The following ITGA2 variants were observed in gnomAD, a reference collection of about 807,000 sequenced individuals.
ITGA2 encodes the protein integrin subunit alpha 2.
In ITGA2, 101 loss-of-function variants were observed where a neutral mutation model predicts 146.3. That is an observed-to-expected ratio of 0.69 (90% confidence interval 0.59 to 0.81). The LOEUF (loss-of-function observed/expected upper bound fraction) is 0.81, where lower values mean the gene tolerates loss of function less well. Among genes scored for constraint, ITGA2 ranks in the 40% least tolerant of loss-of-function variants. The probability of loss-of-function intolerance (pLI) is 0.00; values close to 1 mark genes in which losing one functional copy is unlikely to be tolerated. For synonymous variants in ITGA2, 477 were observed against 487.1 expected (o/e 0.98, Z 0.27); for missense variants, 1,281 against 1,402.7 (o/e 0.91, Z 1.39).
intron 1 of ITGA2, among the ~76,000 whole-genome samples, chr5:52,996,070 G>A (rs1741230963): frequency 6.6e-6 from 1 of 152,192 alleles, no homozygotes; most frequent in Admixed American, 6.5e-5. Context: ...AGAGCGGCCA[G>A]AGGAGTAATG....
intron 16 of ITGA2, 125 bp downstream of exon 16, chr5:53,067,382 C>T: frequency 1.0e-6 from 1 of 996,756 alleles, no homozygotes; most frequent in Non-Finnish European, 1.5e-6. Flanking sequence ...ACTTAAGTTT[C>T]CTTACACTGG....
In ITGA2 at chr5:53,077,501, G is replaced by T. The variant is rs529794347; in HGVS notation, c.2826-1271G>T. ...CAACACTTAAGTAACAAATGGAAAA[G>T]TGTCAGATCTCTTTAAAATGCAAAT... On this transcript the variant is annotated intron_variant, in intron 23 of 29. Coordinates refer to ENST00000296585, the MANE Select transcript of ITGA2 (RefSeq NM_002203.4). 7.2e-4 allele frequency among the ~76,000 whole-genome samples: 109 copies of T among 152,150 alleles called. No individual in the cohort carries two copies. The Middle Eastern group carries it at 0.014, about 19-fold the overall frequency.
intron 1 of ITGA2, among the ~76,000 whole-genome samples, chr5:53,020,702 G>T (rs1317835084): frequency 6.7e-6 from 1 of 149,988 alleles, no homozygotes; most frequent in Non-Finnish European, 1.5e-5. Context: ...TTTTTGGTGA[G>T]GTGGAGTTTC....
In ITGA2 at chr5:52,989,364, T is replaced by C; in HGVS notation, c.-105T>C. The C allele has an allele frequency of 2.5e-6, 3 of 1,223,120 alleles. No homozygotes were observed. Among genetic ancestry groups the C allele is most frequent in the Non-Finnish European group, 3.6e-6 (3 of 829,668 alleles). 75.8% of individuals were successfully genotyped at this position (1,223,120 alleles called of 1,614,324 possible). ...CACCGGGCGGGGGAGAGAAGCCCTC[T>C]GGACAGCTTCTAGAGTGTGCAGGTT... On this transcript the variant is annotated 5_prime_UTR_variant, in exon 1 of 30. Coordinates refer to ENST00000296585, the MANE Select transcript of ITGA2 (RefSeq NM_002203.4).
At chr5:53,064,891 C>T (rs756065263) in intron 13 of ITGA2, 21 bp from the exon 14 acceptor site, 4 of 1,609,098 alleles carry the variant, frequency 2.5e-6, no homozygotes, top group African/African-American at 1.3e-5. Flanking sequence ...TTTAATCATC[C>T]TTTTGTTTCC....
At chr5:53,021,029 T>G (rs1742658608) in intron 1 of ITGA2, among the ~76,000 whole-genome samples, 1 of 152,106 alleles carries the variant, frequency 6.6e-6, no homozygotes, top group Non-Finnish European at 1.5e-5. Flanking sequence ...AAGGAAAATT[T>G]AAAAGCAGCT....
chr5:53,035,778 A>G (rs949073427), intron 2 of ITGA2, among the ~76,000 whole-genome samples: 2 of 152,182 alleles, frequency 1.3e-5, no homozygotes, highest in African/African-American at 2.4e-5. Context: ...CTGGAACTAA[A>G]CAATATAAGA....
intron 1 of ITGA2, among the ~76,000 whole-genome samples, chr5:53,017,501 G>A (rs1185264053): frequency 2.6e-5 from 4 of 152,216 alleles, no homozygotes; most frequent in East Asian, 1.9e-4. Flanking sequence ...ACAACACTCC[G>A]ATGGGGGAAT....
At chr5:53,067,342 C>T in intron 16 of ITGA2, 85 bp downstream of exon 16, 12 of 1,471,076 alleles carry the variant, frequency 8.2e-6, no homozygotes, top group Admixed American at 3.4e-5. Context: ...GGTTTGTAGG[C>T]CAAGAGAAAT....
intron 1 of ITGA2, among the ~76,000 whole-genome samples, chr5:53,012,970 G>T (rs1293232552): frequency 1.3e-5 from 2 of 151,914 alleles, no homozygotes; most frequent in Non-Finnish European, 2.9e-5. Flanking sequence ...TGGTAAATTT[G>T]CTTAAGTTCC....
At chr5:53,080,868 G>T (rs1162382552) in intron 25 of ITGA2, among the ~76,000 whole-genome samples, 1 of 152,150 alleles carries the variant, frequency 6.6e-6, no homozygotes, top group East Asian at 1.9e-4. Context: ...GCCTGGTGAA[G>T]ATCTGACTTT....
At chr5:52,989,661 G>A in intron 1 of ITGA2, 129 bp downstream of exon 1, 2 of 1,001,360 alleles carry the variant, frequency 2.0e-6, no homozygotes, top group Admixed American at 1.9e-5. Context: ...GTGGACTCGG[G>A]CTCCCAGCCA....
At chr5:53,063,535 A>G (rs1468944621) in intron 13 of ITGA2, among the ~76,000 whole-genome samples, 1 of 151,892 alleles carries the variant, frequency 6.6e-6, no homozygotes, top group African/African-American at 2.4e-5. Context: ...AAATCCATGT[A>G]TATAAGTGTA....
intron 1 of ITGA2, among the ~76,000 whole-genome samples, chr5:53,019,245 A>G (rs751522360): frequency 6.6e-6 from 1 of 152,176 alleles, no homozygotes; most frequent in African/African-American, 2.4e-5. Flanking sequence ...AAATAAGCAA[A>G]CTCATTAATT....
At chr5:53,039,040 C>A (rs1743646879) in intron 2 of ITGA2, among the ~76,000 whole-genome samples, 2 of 152,126 alleles carry the variant, frequency 1.3e-5, no homozygotes, top group Non-Finnish European at 2.9e-5. Flanking sequence ...TTACAGTGAG[C>A]CAAGATCATG....
Position 53,067,155 on chromosome 5 carries a change from T to C in ITGA2, c.1981T>C (p.Phe661Leu), listed in dbSNP as rs1194188605. 6.2e-7 allele frequency: 1 copy of C among 1,611,326 alleles called. No individual in the cohort carries two copies. Among genetic ancestry groups the C allele is most frequent in the Admixed American group, 1.7e-5 (1 of 59,774 alleles). ...SIADVAIEAS[F>L]TPEKITLVNK... ...TGCTGATGTAGCTATAGAAGCTTCATTCACACCAGAAAAAATCACTTTGGT... is the reference window on the plus strand; with the variant it reads ...TGCTGATGTAGCTATAGAAGCTTCACTCACACCAGAAAAAATCACTTTGGT... The change falls in exon 16 of 30, where the codon TTC becomes CTC. Residue 661 changes from phenylalanine to leucine, a missense_variant. Physicochemically the swap from Phe to Leu is conservative, Grantham distance 22 (BLOSUM62 0). Coordinates refer to ENST00000296585, the MANE Select transcript of ITGA2 (RefSeq NM_002203.4).
At chr5:53,004,279 A>T (rs1741721587) in intron 1 of ITGA2, among the ~76,000 whole-genome samples, 1 of 152,228 alleles carries the variant, frequency 6.6e-6, no homozygotes, top group African/African-American at 2.4e-5. Flanking sequence ...TCTGGAGAGT[A>T]AGTTAAATCC....
intron 27 of ITGA2, among the ~76,000 whole-genome samples, chr5:53,083,856 T>A (rs1286359284): frequency 6.6e-6 from 1 of 152,182 alleles, no homozygotes; most frequent in Non-Finnish European, 1.5e-5. Flanking sequence ...TCTCACTCCT[T>A]GAGCTCTCAG....
At chr5:53,088,126 C>T (rs538115207) in intron 28 of ITGA2, among the ~76,000 whole-genome samples, 1 of 152,242 alleles carries the variant, frequency 6.6e-6, no homozygotes, top group South Asian at 2.1e-4. Flanking sequence ...ACTTCAAATT[C>T]AAAATGCTAT....
Sources: allele counts gnomAD v4.1 joint callset (sites outside exome capture counted in the v4.1 genomes callset), GRCh38; gene constraint gnomAD v4.1.1; transcripts MANE v1.5; gene names NCBI Gene and HGNC (gene_info 2026-07-23, HGNC 2026-07-21).